The following PRTFDC1 variants were observed in gnomAD, a reference collection of about 807,000 sequenced individuals.
PRTFDC1 encodes the protein phosphoribosyltransferase domain-containing protein 1.
Under a neutral mutation model 34.6 loss-of-function variants are expected in PRTFDC1, and 38 were observed. That is an observed-to-expected ratio of 1.10 (90% CI 0.85 to 1.44). PRTFDC1 has a LOEUF of 1.44. Among genes scored for constraint, PRTFDC1 ranks in the 40% most tolerant of loss-of-function variants. The pLI, the probability that PRTFDC1 is intolerant of heterozygous loss-of-function variation, is 0.00. For synonymous variants in PRTFDC1, 93 were observed against 98.1 expected, an observed-to-expected ratio of 0.95 and a Z score of 0.31; for missense variants, 270 against 283.0, an observed-to-expected ratio of 0.95 and a Z score of 0.33.
At chr10:24,940,087 G>T (rs975544643) in intron 2 of PRTFDC1, among the ~76,000 whole-genome samples, 1 of 152,088 alleles carries the variant, frequency 6.6e-6, no homozygotes, top group African/African-American at 2.4e-5. Context: ...AGGAGAAACA[G>T]GCAAATGCAC....
Position 24,849,129 on chromosome 10 carries a change from T to C in PRTFDC1, c.*715A>G, listed in dbSNP as rs1475424936. On this transcript the variant is annotated 3_prime_UTR_variant, in exon 9 of 9. Coordinates refer to ENST00000320152, the MANE Select transcript of PRTFDC1 (RefSeq NM_020200.7). Reference sequence around the variant, plus strand: ...GGGCCTTGCTGCTATTGTATTTTTTTCTAATTAAAATTCAGAGTATTAAAC... The same window carrying C: ...GGGCCTTGCTGCTATTGTATTTTTTCCTAATTAAAATTCAGAGTATTAAAC... The C allele has an allele frequency of 6.6e-6, 1 of 152,460 alleles. No homozygotes were observed. The highest frequency in any genetic ancestry group is 2.1e-4 in the South Asian group (1 of 4,828). 9.4% of individuals were successfully genotyped at this position (152,460 alleles called of 1,614,324 possible).
intron 7 of PRTFDC1, among the ~76,000 whole-genome samples, chr10:24,854,705 C>T (rs1205726628): frequency 6.6e-6 from 1 of 152,146 alleles, no homozygotes; most frequent in Non-Finnish European, 1.5e-5. Context: ...AGAGAACACA[C>T]ATCTGAAGTC....
intron 3 of PRTFDC1, among the ~76,000 whole-genome samples, chr10:24,890,960 C>T (rs1390096452): frequency 6.6e-6 from 1 of 152,158 alleles, no homozygotes; most frequent in Non-Finnish European, 1.5e-5. Context: ...GTGGCAGATG[C>T]TCTGTGGTAA....
At chr10:24,915,956 A>T (rs891025919) in intron 3 of PRTFDC1, among the ~76,000 whole-genome samples, 1 of 152,118 alleles carries the variant, frequency 6.6e-6, no homozygotes, top group African/African-American at 2.4e-5. Context: ...TGAACTCCAG[A>T]CTGGTATATC....
intron 3 of PRTFDC1, among the ~76,000 whole-genome samples, chr10:24,912,060 G>T (rs998526252): frequency 4.0e-5 from 6 of 151,884 alleles, no homozygotes; most frequent in African/African-American, 1.5e-4. Flanking sequence ...CTTGAGGTCA[G>T]GAGTTCAAGA....
chr10:24,887,222 G>A (rs182218785), intron 3 of PRTFDC1, among the ~76,000 whole-genome samples: 2 of 150,990 alleles, frequency 1.3e-5, no homozygotes, highest in African/African-American at 2.4e-5. Context: ...CACCCGCCTC[G>A]GCCTCCCAAA....
At chr10:24,860,932 C>T (rs1847669216) in intron 4 of PRTFDC1, among the ~76,000 whole-genome samples, 1 of 152,128 alleles carries the variant, frequency 6.6e-6, no homozygotes, top group African/African-American at 2.4e-5. Context: ...CTTTTTGTTT[C>T]AACTTTAAAA....
chr10:24,878,836 T>C (rs1848015751), intron 3 of PRTFDC1, among the ~76,000 whole-genome samples: 2 of 152,192 alleles, frequency 1.3e-5, no homozygotes, highest in African/African-American at 4.8e-5. Context: ...AAGCCATTCA[T>C]TTCAAGAGTC....
At chr10:24,945,348 T>C (rs1409535574) in intron 1 of PRTFDC1, among the ~76,000 whole-genome samples, 1 of 152,238 alleles carries the variant, frequency 6.6e-6, no homozygotes. Flanking sequence ...AACTCCAACC[T>C]GAATTCTCAG....
chr10:24,950,369 C>T (rs935132450), intron 1 of PRTFDC1, among the ~76,000 whole-genome samples: 1 of 151,994 alleles, frequency 6.6e-6, no homozygotes, highest in Non-Finnish European at 1.5e-5. Context: ...TCTGAAAATC[C>T]GAAATCCAAA....
At chr10:24,857,302 C>A (rs1436541558) in intron 5 of PRTFDC1, among the ~76,000 whole-genome samples, 1 of 152,192 alleles carries the variant, frequency 6.6e-6, no homozygotes, top group Non-Finnish European at 1.5e-5. Context: ...TGTGTCTGCA[C>A]ATTCAAGGAC....
At chr10:24,864,337 G>A (rs1847738101) in intron 4 of PRTFDC1, among the ~76,000 whole-genome samples, 1 of 152,140 alleles carries the variant, frequency 6.6e-6, no homozygotes, top group Non-Finnish European at 1.5e-5. Flanking sequence ...TTCTACTGTG[G>A]GTAAAATGCT....
intron 3 of PRTFDC1, among the ~76,000 whole-genome samples, chr10:24,898,622 C>T (rs1020060059): frequency 2.6e-5 from 4 of 152,096 alleles, no homozygotes; most frequent in South Asian, 4.2e-4. Context: ...CATCTTTAGG[C>T]TCACATTCTT....
At chr10:24,937,925 C>T (rs1453579523) in intron 2 of PRTFDC1, among the ~76,000 whole-genome samples, 5 of 152,016 alleles carry the variant, frequency 3.3e-5, no homozygotes, top group Admixed American at 3.3e-4. Flanking sequence ...TGGCATGCTC[C>T]TTAAAAAGGA....
intron 3 of PRTFDC1, among the ~76,000 whole-genome samples, chr10:24,881,251 T>G (rs1008733115): frequency 5.0e-5 from 7 of 139,550 alleles, no homozygotes; most frequent in African/African-American, 1.8e-4. Flanking sequence ...ATTTTTATTT[T>G]TAGAGATGGG....
chr10:24,882,036 G>T (rs946807321), intron 3 of PRTFDC1, among the ~76,000 whole-genome samples: 1 of 151,746 alleles, frequency 6.6e-6, no homozygotes, highest in Non-Finnish European at 1.5e-5. Flanking sequence ...GTAAAACCCT[G>T]TCTCTACTAA....
At chr10:24,880,811 TTCTCTTTC>T (rs1365530535) in intron 3 of PRTFDC1, among the ~76,000 whole-genome samples, 6 of 137,140 alleles carry the variant, frequency 4.4e-5, no homozygotes, top group Non-Finnish European at 8.1e-5. Context: ...TTTACTGTCT[TTCTCTTTC>T]TTTCTTTCTT....
intron 3 of PRTFDC1, among the ~76,000 whole-genome samples, chr10:24,918,894 A>C (rs544596615): frequency 1.3e-5 from 2 of 152,292 alleles, no homozygotes; most frequent in African/African-American, 4.8e-5. Context: ...CCTTCTGGGA[A>C]GCAGTGTGGA....
chr10:24,879,399 A>G (rs907001318), intron 3 of PRTFDC1, among the ~76,000 whole-genome samples: 1 of 151,348 alleles, frequency 6.6e-6, no homozygotes, highest in Non-Finnish European at 1.5e-5. Flanking sequence ...GCTGCAGTGC[A>G]GTGGTGCGAC....
Sources: allele counts gnomAD v4.1 joint callset (sites outside exome capture counted in the v4.1 genomes callset), GRCh38; gene constraint gnomAD v4.1.1; transcripts MANE v1.5; gene names NCBI Gene and HGNC (gene_info 2026-07-23, HGNC 2026-07-21).